TJP1: variants seen among roughly 807,000 people sequenced by gnomAD.
TJP1 encodes tight junction protein ZO-1.
TJP1 carries 43 observed loss-of-function variants against 194.2 expected under a neutral mutation model. The observed-to-expected ratio is 0.22, with a 90% confidence interval of 0.17 to 0.29. The LOEUF (loss-of-function observed/expected upper bound fraction) is 0.29. Among genes scored for constraint, TJP1 ranks in the 10% least tolerant of loss-of-function variants. TJP1 has a pLI of 1.00. For missense variants in TJP1, 1,971 were observed against 2,185.7 expected (o/e 0.90, Z 1.96); for synonymous variants, 801 against 779.0 (o/e 1.03, Z -0.47).
chr15:29,806,089 A>G (rs116984161), intron 1 of TJP1, among the ~76,000 whole-genome samples: 1,967 of 152,304 alleles, frequency 0.013, 18 homozygotes, highest in Admixed American at 0.021. Flanking sequence ...ATCAAATGAT[A>G]TAAGAATTCA....
At chr15:29,869,972 A>G (rs1356145943) in intron 2 of TJP1, among the ~76,000 whole-genome samples, 1 of 151,364 alleles carries the variant, frequency 6.6e-6, no homozygotes, top group Admixed American at 6.6e-5. Context: ...ACGTCTGGCT[A>G]ATTTTTTTGT....
chr15:29,710,825 TC>T lies in TJP1; in HGVS notation c.4372+5del, dbSNP rs747270454. On this transcript the variant is annotated splice_donor_5th_base_variant and intron_variant, in intron 24 of 27. Coordinates refer to ENST00000614355, the MANE Select transcript of TJP1 (RefSeq NM_001330239.4). ...GTGTTAAAATGTCTACTTCCGAACT[TC>T]CTACCTTCACCATGTGCTCCCTTAG... 4 of 1,613,910 alleles carry T rather than the reference TC, an allele frequency of 2.5e-6. No individual in the cohort carries two copies. Among genetic ancestry groups the T allele is most frequent in the Non-Finnish European group, 3.4e-6 (4 of 1,180,040 alleles).
chr15:29,939,327 T>C (rs1393662865), intron 2 of TJP1, among the ~76,000 whole-genome samples: 1 of 152,204 alleles, frequency 6.6e-6, no homozygotes, highest in Non-Finnish European at 1.5e-5. Flanking sequence ...GGACGCATCT[T>C]GGCACTTGGA....
At chr15:29,780,467 C>CGCA (rs1390087164) in intron 2 of TJP1, among the ~76,000 whole-genome samples, 31 of 152,228 alleles carry the variant, frequency 2.0e-4, no homozygotes, top group African/African-American at 7.0e-4. Flanking sequence ...TGGGGGGTGG[C>CGCA]TGCACATACA....
intron 2 of TJP1, among the ~76,000 whole-genome samples, chr15:29,828,154 T>C (rs1485867948): frequency 2.6e-5 from 4 of 152,194 alleles, no homozygotes; most frequent in Admixed American, 2.6e-4. Context: ...GTGATATGTA[T>C]GTGTGGAGAC....
intron 2 of TJP1, among the ~76,000 whole-genome samples, chr15:29,856,058 GCACA>G (rs1223085547): frequency 6.6e-6 from 1 of 152,140 alleles, no homozygotes; most frequent in Non-Finnish European, 1.5e-5. Flanking sequence ...AGCAAAAACA[GCACA>G]ACTGTGCTTC....
intron 11 of TJP1, 24 bp from the exon 12 acceptor site, chr15:29,734,406 C>A: frequency 6.5e-7 from 1 of 1,531,680 alleles, no homozygotes; most frequent in Non-Finnish European, 9.0e-7. Context: ...TTTCATAAAT[C>A]ATTCTTGGCT....
chr15:29,717,794 C>T (rs555974734), intron 22 of TJP1, among the ~76,000 whole-genome samples: 1 of 152,216 alleles, frequency 6.6e-6, no homozygotes, highest in African/African-American at 2.4e-5. Flanking sequence ...GAATATCTTT[C>T]CGAAAGTCTG....
At chr15:29,765,663 G>C (rs1395606989) in intron 5 of TJP1, among the ~76,000 whole-genome samples, 1 of 152,124 alleles carries the variant, frequency 6.6e-6, no homozygotes, top group Admixed American at 6.5e-5. Context: ...GGCCGAGGCA[G>C]GTGAATTGCC....
intron 5 of TJP1, among the ~76,000 whole-genome samples, chr15:29,763,703 G>A (rs1339095155): frequency 1.3e-5 from 2 of 149,126 alleles, no homozygotes; most frequent in Non-Finnish European, 3.0e-5. Flanking sequence ...GGAGGCAGAG[G>A]TTGCAGTGAA....
At chr15:29,777,876 G>T (rs556743163) in intron 2 of TJP1, among the ~76,000 whole-genome samples, 2 of 152,022 alleles carry the variant, frequency 1.3e-5, no homozygotes, top group Non-Finnish European at 2.9e-5. Flanking sequence ...CTTAGTAAAC[G>T]ATTATCCTTT....
At chr15:29,723,298 C>T (rs1010977061) in intron 18 of TJP1, among the ~76,000 whole-genome samples, 5 of 152,084 alleles carry the variant, frequency 3.3e-5, no homozygotes, top group Non-Finnish European at 5.9e-5. Flanking sequence ...ATCACGAGGG[C>T]GGTTTCTAAT....
At chr15:29,713,900 G>C (rs1283675086) in intron 23 of TJP1, among the ~76,000 whole-genome samples, 1 of 152,206 alleles carries the variant, frequency 6.6e-6, no homozygotes, top group Non-Finnish European at 1.5e-5. Flanking sequence ...GCAGCAGGGA[G>C]TAAAATCAAA....
chr15:29,803,381 T>C (rs1218875268), intron 1 of TJP1, among the ~76,000 whole-genome samples: 1 of 152,170 alleles, frequency 6.6e-6, no homozygotes, highest in Non-Finnish European at 1.5e-5. Flanking sequence ...TATTCAACAC[T>C]TTATTGTGAA....
At chr15:29,810,870 T>C (rs2049446531) in intron 1 of TJP1, among the ~76,000 whole-genome samples, 1 of 152,216 alleles carries the variant, frequency 6.6e-6, no homozygotes, top group Non-Finnish European at 1.5e-5. Context: ...AATAATGTTT[T>C]GAGAGTTTCC....
At chr15:29,825,025 AAATT>A (rs1333920582), upstream of TJP1, among the ~76,000 whole-genome samples, 5 of 152,200 alleles carry the variant, frequency 3.3e-5, no homozygotes, top group Admixed American at 6.5e-5. Context: ...TTTAATATCT[AAATT>A]AAACTTCATA....
rs1384623670 is a variant in TJP1, at chr15:29,851,005, G to C, written c.307-50303C>G. On this transcript the variant is annotated intron_variant, in intron 2 of 28. Coordinates refer to the TJP1 transcript ENST00000356107. Reference sequence around the variant, plus strand: ...ATACAAAAATTAGCTGGGCATCCTGGCATGTGCCCGTAATTCCAGATACTT... The same window carrying C: ...ATACAAAAATTAGCTGGGCATCCTGCCATGTGCCCGTAATTCCAGATACTT... 2.0e-5 allele frequency among the ~76,000 whole-genome samples: 3 copies of C among 152,062 alleles called. No individual in the cohort carries two copies. In the East Asian group the frequency reaches 5.8e-4, roughly 29 times the overall value.
chr15:29,869,551 T>C (rs2052421781), intron 2 of TJP1, among the ~76,000 whole-genome samples: 2 of 152,126 alleles, frequency 1.3e-5, no homozygotes, highest in African/African-American at 4.8e-5. Context: ...AGGTCCAGAT[T>C]CCAGAAGAAG....
intron 8 of TJP1, among the ~76,000 whole-genome samples, chr15:29,755,295 A>C (rs2045573311): frequency 6.6e-6 from 1 of 152,202 alleles, no homozygotes; most frequent in Non-Finnish European, 1.5e-5. Flanking sequence ...ATTTCTCAGA[A>C]GGTATCCCCA....
Sources: gnomAD v4.1 joint callset for allele counts (sites outside exome capture counted in the v4.1 genomes callset) on GRCh38, gnomAD v4.1.1 for gene constraint, MANE v1.5 for transcripts, NCBI Gene and HGNC (gene_info 2026-07-23, HGNC 2026-07-21) for gene names.